Variants in MIA2 observed in about 807,000 individuals in gnomAD.
MIA2 encodes the protein melanoma inhibitory activity protein 2.
A neutral mutation model predicts 167.8 loss-of-function variants in MIA2; 127 were observed. The ratio of observed to expected loss-of-function variants is 0.76; its 90% CI spans 0.66 to 0.88. The LOEUF is 0.88. MIA2 is among the 40% of genes least tolerant of loss of function. MIA2 has a pLI of 0.00. For missense variants in MIA2, 1,690 were observed against 1,624.7 expected (o/e 1.04, Z -0.69); for synonymous variants, 552 against 541.9 (o/e 1.02, Z -0.26).
intron 9 of MIA2, among the ~76,000 whole-genome samples, chr14:39,282,969 G>A (rs1327514019): frequency 2.0e-5 from 3 of 152,034 alleles, no homozygotes; most frequent in Admixed American, 6.6e-5. Context: ...CAAAAATTCC[G>A]CATATAAGTG....
At position 39,310,210 on chromosome 14, in the gene MIA2, C is replaced by T. The variant is rs1422525713; in HGVS notation, c.3017+1623C>T. Reference sequence around the variant, plus strand: ...TGAGGTCAAACAAGGTGACACTCTGCTTTCTTGTTTCAGCTCTCATTCTGT... The same window carrying T: ...TGAGGTCAAACAAGGTGACACTCTGTTTTCTTGTTTCAGCTCTCATTCTGT... On this transcript the variant is annotated intron_variant, in intron 18 of 28. Transcript: ENST00000640607. Among the ~76,000 whole-genome samples the T allele has an allele frequency of 2.0e-5, 3 of 152,214 alleles. No individual in the cohort carries two copies. The East Asian group carries it at 5.8e-4, about 29-fold the overall frequency.
chr14:39,347,056 T>G (rs2153074854), intron 26 of MIA2: 1 of 163,650 alleles, frequency 6.1e-6, no homozygotes, highest in Non-Finnish European at 1.3e-5. Context: ...GTTTCACTTG[T>G]GTCAAGCACA....
At chr14:39,267,401 T>G in intron 6 of MIA2, 2 of 1,606,060 alleles carry the variant, frequency 1.2e-6, no homozygotes, top group South Asian at 2.2e-5. Flanking sequence ...TCTCCGCCGT[T>G]TATTGTGGCC....
chr14:39,236,383 GA>G (rs1327589948), intron 1 of MIA2, among the ~76,000 whole-genome samples: 1 of 152,122 alleles, frequency 6.6e-6, no homozygotes. Flanking sequence ...ATTTTGCAGT[GA>G]GAAGAACCTC....
At chr14:39,317,894 T>C in intron 21 of MIA2, 50 bp from the exon 22 acceptor site, 1 of 1,253,750 alleles carries the variant, frequency 8.0e-7, no homozygotes, top group Non-Finnish European at 1.1e-6. Flanking sequence ...TTTATGCTTA[T>C]TTTTTAAGTT....
At chr14:39,330,554 G>C (rs574306655) in intron 25 of MIA2, among the ~76,000 whole-genome samples, 3 of 152,064 alleles carry the variant, frequency 2.0e-5, no homozygotes, top group Non-Finnish European at 4.4e-5. Context: ...TGTGATGTTT[G>C]GGTGTTGATT....
In MIA2 at chr14:39,345,935, A is replaced by C. The variant is rs549000173; in HGVS notation, c.3687A>C (p.Pro1229=). The C allele has an allele frequency of 1.8e-5, 29 of 1,612,160 alleles. No individual in the cohort carries two copies. The highest frequency in any genetic ancestry group is 3.8e-4 in the Middle Eastern group (2 of 5,262). ...CATATCCTGATTCAGCCCTTCCTCC[A>C]CAAAGGCAAGACAGATTTTGTTCTA... ...GQSYPDSALP[P]QRQDRFCSNS... is the part of the protein sequence containing the mutation. Residue 1229 remains proline (P), a synonymous_variant, in exon 26 of 29, where the codon CCA becomes CCC. Transcript: ENST00000640607.
intron 13 of MIA2, among the ~76,000 whole-genome samples, chr14:39,296,283 T>C (rs548620020): frequency 6.6e-6 from 1 of 152,328 alleles, no homozygotes; most frequent in South Asian, 2.1e-4. Flanking sequence ...TTGTTTCTCA[T>C]ACTTGTTGAT....
intron 18 of MIA2, among the ~76,000 whole-genome samples, chr14:39,309,690 C>T (rs945503904): frequency 6.6e-6 from 1 of 152,094 alleles, no homozygotes; most frequent in Non-Finnish European, 1.5e-5. Flanking sequence ...CTTTTATCTT[C>T]CTTATGTTAA....
intron 27 of MIA2, 131 bp from the exon 28 acceptor site, chr14:39,348,612 C>A: frequency 1.5e-6 from 2 of 1,318,868 alleles, no homozygotes; most frequent in Non-Finnish European, 2.1e-6. Flanking sequence ...CTGTTTGAAT[C>A]TTTCTCTAGA....
chr14:39,249,937 A>G (rs955768966), intron 4 of MIA2, among the ~76,000 whole-genome samples: 1 of 152,204 alleles, frequency 6.6e-6, no homozygotes, highest in Non-Finnish European at 1.5e-5. Context: ...CTCTCTACTC[A>G]ACATCCTCAA....
intron 23 of MIA2, among the ~76,000 whole-genome samples, chr14:39,365,999 T>G (rs2074814671): frequency 6.6e-6 from 1 of 152,234 alleles, no homozygotes; most frequent in South Asian, 2.1e-4. Context: ...TTCCTAAAAG[T>G]GTGCCTGTGT....
chr14:39,287,054 T>C (rs557677703), intron 9 of MIA2, among the ~76,000 whole-genome samples: 1 of 151,506 alleles, frequency 6.6e-6, no homozygotes, highest in South Asian at 2.1e-4. Flanking sequence ...TCTAATTGCT[T>C]TGATAGTACT....
intron 6 of MIA2, among the ~76,000 whole-genome samples, chr14:39,260,193 T>A (rs6571911): frequency 0.58 from 88,141 of 152,062 alleles, 27,395 homozygotes; most frequent in African/African-American, 0.82. Context: ...TTATAGTAGC[T>A]TGATTTATAA....
At chr14:39,321,907 C>T (rs1016766749) in intron 24 of MIA2, among the ~76,000 whole-genome samples, 5 of 151,770 alleles carry the variant, frequency 3.3e-5, no homozygotes, top group Admixed American at 6.6e-5. Context: ...ATTACAGGCA[C>T]ATGCCACCAC....
intron 23 of MIA2, chr14:39,386,007 A>T (rs1218754236): frequency 1.1e-6 from 1 of 915,712 alleles, no homozygotes; most frequent in African/African-American, 1.6e-5. Flanking sequence ...ATCCAGCAGC[A>T]CCTACAGTCT....
intron 23 of MIA2, among the ~76,000 whole-genome samples, chr14:39,358,687 C>T (rs946075491): frequency 1.3e-5 from 2 of 152,270 alleles, no homozygotes; most frequent in Admixed American, 1.3e-4. Context: ...GTGGTTTTAT[C>T]TACCTTTGGT....
chr14:39,266,805 G>T, intron 6 of MIA2: 1 of 929,678 alleles, frequency 1.1e-6, no homozygotes, highest in Non-Finnish European at 1.3e-6. Context: ...AAAGCCTTGG[G>T]TGTCGGGGCT....
At chr14:39,384,492 C>A (rs2075231349) in intron 23 of MIA2, among the ~76,000 whole-genome samples, 2 of 152,106 alleles carry the variant, frequency 1.3e-5, no homozygotes, top group Admixed American at 6.6e-5. Context: ...TTTCGACTTT[C>A]AAGTCTTATT....
Sources: gnomAD v4.1 joint callset for allele counts (sites outside exome capture counted in the v4.1 genomes callset) on GRCh38, gnomAD v4.1.1 for gene constraint, MANE v1.5 for transcripts, NCBI Gene and HGNC (gene_info 2026-07-23, HGNC 2026-07-21) for gene names.